RTTN: variants seen among roughly 807,000 people sequenced by gnomAD.
RTTN encodes rotatin.
Under a neutral mutation model 269.2 loss-of-function variants are expected in RTTN, and 182 were observed. That is an observed-to-expected ratio of 0.68 (90% CI 0.60 to 0.76). RTTN has a LOEUF of 0.76. Among genes scored for constraint, RTTN ranks in the 30% least tolerant of loss-of-function variants. RTTN has a pLI of 0.00. For missense variants in RTTN, 2,545 were observed against 2,608.6 expected, an observed-to-expected ratio of 0.98 and a Z score of 0.53; for synonymous variants, 1,006 against 963.5, an observed-to-expected ratio of 1.04 and a Z score of -0.82.
At chr18:70,142,225 C>G (rs2060274564) in intron 19 of RTTN, 63 bp downstream of exon 19, 7 of 1,084,714 alleles carry the variant, frequency 6.5e-6, no homozygotes, top group Non-Finnish European at 9.8e-6. Context: ...CTGCCAGTAC[C>G]ATATGGCAAT....
chr18:70,204,854 C>A (rs1028106749), intron 2 of RTTN, among the ~76,000 whole-genome samples: 2 of 152,128 alleles, frequency 1.3e-5, no homozygotes, highest in Non-Finnish European at 2.9e-5. Context: ...AAACAGAATA[C>A]AAATATTAAC....
chr18:70,103,466 C>G (rs55851103), intron 28 of RTTN, among the ~76,000 whole-genome samples: 2,469 of 152,200 alleles, frequency 0.016, 68 homozygotes, highest in African/African-American at 0.056. Context: ...CCCCCAACCA[C>G]GTGCTCTCTG....
At chr18:70,066,748 T>C (rs1446417827) in intron 34 of RTTN, among the ~76,000 whole-genome samples, 1 of 152,178 alleles carries the variant, frequency 6.6e-6, no homozygotes, top group East Asian at 1.9e-4. Context: ...TCAGATCCTA[T>C]ATAGCTCACA....
chr18:70,042,366 CTTTTTTTTTTTTTTT>C (rs1017125527), intron 40 of RTTN, among the ~76,000 whole-genome samples: 1 of 78,068 alleles, frequency 1.3e-5, no homozygotes, highest in Admixed American at 1.4e-4. Flanking sequence ...TTGGAATTTT[CTTTTTTTTTTTTTTT>C]TTTTTTTTTT....
At chr18:70,134,592 T>C (rs759885016) in intron 22 of RTTN, 51 bp from the exon 23 acceptor site, 1 of 1,329,066 alleles carries the variant, frequency 7.5e-7, no homozygotes, top group South Asian at 1.3e-5. Flanking sequence ...GTAGACCAAG[T>C]TTTGTCTAAC....
chr18:70,096,332 G>C (rs1267482188), intron 28 of RTTN, among the ~76,000 whole-genome samples: 1 of 152,102 alleles, frequency 6.6e-6, no homozygotes, highest in African/African-American at 2.4e-5. Context: ...ATCCAGTTTT[G>C]TTCCCTTGCT....
At chr18:70,078,474 T>C (rs1216225260) in intron 32 of RTTN, among the ~76,000 whole-genome samples, 1 of 151,796 alleles carries the variant, frequency 6.6e-6, no homozygotes, top group Non-Finnish European at 1.5e-5. Context: ...ACTTTAGACA[T>C]GAGACATGAT....
intron 11 of RTTN, among the ~76,000 whole-genome samples, chr18:70,170,295 A>G (rs1171086407): frequency 6.6e-6 from 1 of 152,234 alleles, no homozygotes; most frequent in Admixed American, 6.5e-5. Context: ...CTCTGCCCGC[A>G]TGAAGCTCAC....
At position 70,128,349 on chromosome 18, in the gene RTTN, A is replaced by G; in HGVS notation, c.3143+9T>C. The G allele has an allele frequency of 6.2e-7, 1 of 1,601,836 alleles. No individual in the cohort carries two copies. Among genetic ancestry groups the G allele is most frequent in the Non-Finnish European group, 8.5e-7 (1 of 1,172,212 alleles). Reference sequence around the variant, plus strand: ...TGCAAATGCTTTTTAAACTAATATAAGAGCTTACTCTTGCGTTTTAGTTTC... The same window carrying G: ...TGCAAATGCTTTTTAAACTAATATAGGAGCTTACTCTTGCGTTTTAGTTTC... On this transcript the variant is annotated intron_variant, in intron 24 of 48. Transcript: ENST00000640769.
intron 36 of RTTN, 152 bp downstream of exon 36, chr18:70,059,698 T>C: frequency 4.2e-6 from 2 of 475,894 alleles, no homozygotes; most frequent in Middle Eastern, 5.5e-4. Context: ...ACCAAGACAA[T>C]TCTGGCAAAA....
chr18:70,104,381 C>T (rs1447286684), intron 28 of RTTN, among the ~76,000 whole-genome samples: 1 of 152,148 alleles, frequency 6.6e-6, no homozygotes, highest in African/African-American at 2.4e-5. Flanking sequence ...TTCTAGTTAG[C>T]CATTCGTCTA....
At chr18:70,191,657 C>T (rs1262451513) in intron 8 of RTTN, among the ~76,000 whole-genome samples, 2 of 152,164 alleles carry the variant, frequency 1.3e-5, no homozygotes, top group African/African-American at 2.4e-5. Flanking sequence ...TAGAGCCTCA[C>T]ACTTACAAAG....
At chr18:70,205,089 A>C in intron 2 of RTTN, 39 bp downstream of exon 2, 2 of 1,571,448 alleles carry the variant, frequency 1.3e-6, no homozygotes, top group Non-Finnish European at 1.7e-6. Context: ...GAAACAAGTC[A>C]CTCGTCTGAT....
intron 42 of RTTN, among the ~76,000 whole-genome samples, chr18:70,029,434 C>A (rs777980489): frequency 1.3e-5 from 2 of 151,982 alleles, no homozygotes; most frequent in Admixed American, 6.6e-5. Flanking sequence ...CCTGAGCATG[C>A]AGTTTAAACA....
chr18:70,060,132 A>C (rs2057937562), intron 35 of RTTN, 90 bp from the exon 36 acceptor site: 1 of 1,158,258 alleles, frequency 8.6e-7, no homozygotes, highest in East Asian at 2.6e-5. Context: ...AAAGTTCCTG[A>C]AAATGATAAT....
At chr18:70,090,768 C>T (rs190134876) in intron 30 of RTTN, among the ~76,000 whole-genome samples, 1 of 152,242 alleles carries the variant, frequency 6.6e-6, no homozygotes, top group Admixed American at 6.5e-5. Flanking sequence ...AACATGGCTG[C>T]CCTTGAAGAC....
intron 32 of RTTN, among the ~76,000 whole-genome samples, chr18:70,084,365 A>G (rs575163420): frequency 4.6e-5 from 7 of 152,342 alleles, no homozygotes; most frequent in Non-Finnish European, 1.0e-4. Flanking sequence ...ATTTTGTTGA[A>G]TAAGATTATT....
Position 70,092,227 on chromosome 18 carries a change from G to A in RTTN, c.4033-7C>T, listed in dbSNP as rs2058868321. Reference sequence around the variant, plus strand: ...ACCAAAGTGACATCCACTCCTAGAGGGAAAAAAGGGAAACAGAAATATTTG... The same window carrying A: ...ACCAAAGTGACATCCACTCCTAGAGAGAAAAAAGGGAAACAGAAATATTTG... On this transcript the variant is annotated splice_polypyrimidine_tract_variant and splice_region_variant and intron_variant, in intron 29 of 48. Transcript: ENST00000640769. 2 of 1,489,248 alleles carry A rather than the reference G, an allele frequency of 1.3e-6. No homozygotes were observed. The highest frequency in any genetic ancestry group is 1.4e-5 in the African/African-American group (1 of 71,718). The allele number at this position is 1,489,248 out of a possible 1,614,324, so 92.3% of individuals were successfully genotyped here.
intron 28 of RTTN, among the ~76,000 whole-genome samples, chr18:70,106,696 GAA>G (rs528432150): frequency 2.0e-5 from 3 of 148,754 alleles, no homozygotes; most frequent in East Asian, 3.9e-4. Context: ...TTATGCTCTT[GAA>G]AAAAAAAGAG....
Sources: gnomAD v4.1 joint callset for allele counts (sites outside exome capture counted in the v4.1 genomes callset) on GRCh38, gnomAD v4.1.1 for gene constraint, MANE v1.5 for transcripts, NCBI Gene and HGNC (gene_info 2026-07-23, HGNC 2026-07-21) for gene names.